The following HMBOX1 variants were observed in gnomAD, a reference collection of about 807,000 sequenced individuals.
HMBOX1 encodes the protein homeobox-containing protein 1.
A neutral mutation model predicts 54.5 loss-of-function variants in HMBOX1; 14 were observed. The observed-to-expected ratio is 0.26, with a 90% CI of 0.17 to 0.40. The LOEUF (loss-of-function observed/expected upper bound fraction) is 0.40. Among genes scored for constraint, HMBOX1 ranks in the 10% least tolerant of loss-of-function variants. The pLI is 1.00. For synonymous variants in HMBOX1, 160 were observed against 181.0 expected (o/e 0.88, Z 0.93); for missense variants, 332 against 514.4 (o/e 0.65, Z 3.43).
intron 4 of HMBOX1, among the ~76,000 whole-genome samples, chr8:29,003,492 GTGTGTATA>G (rs1832944882): frequency 2.5e-5 from 1 of 40,650 alleles, no homozygotes; most frequent in African/African-American, 8.5e-5. Context: ...GGTTGTGTGT[GTGTGTATA>G]TATATATATA....
At chr8:28,900,884 T>C (rs1009343471) in intron 1 of HMBOX1, among the ~76,000 whole-genome samples, 9 of 152,338 alleles carry the variant, frequency 5.9e-5, no homozygotes, top group East Asian at 5.8e-4. Flanking sequence ...TTTTAAGGTC[T>C]GTCATTCTTT....
chr8:28,966,861 C>T (rs1054578522), intron 2 of HMBOX1, among the ~76,000 whole-genome samples: 1 of 152,144 alleles, frequency 6.6e-6, no homozygotes, highest in African/African-American at 2.4e-5. Context: ...AGGAAACTCT[C>T]AGTGCAGGGC....
In HMBOX1 at chr8:29,049,300, A is replaced by C. The variant is rs117103974; in HGVS notation, c.1125+252A>C. 7.3e-4 allele frequency: 1,120 copies of C among 1,536,370 alleles called. 10 individuals are homozygous for C. The East Asian group carries it at 0.019, about 26-fold the overall frequency. The stretch of plus-strand genomic sequence containing the variant: ...ATTGTCATACAACAGGATACTTGGC[A>C]AGTACGCAATGGGGAGGAGGAGGAG... On this transcript the variant is annotated intron_variant, in intron 9 of 9. Transcript: ENST00000287701.
chr8:28,909,571 A>G (rs767337514), intron 1 of HMBOX1, among the ~76,000 whole-genome samples: 2 of 152,192 alleles, frequency 1.3e-5, no homozygotes, highest in South Asian at 2.1e-4. Flanking sequence ...TACAAATGCT[A>G]TGTAGTATTA....
intron 1 of HMBOX1, among the ~76,000 whole-genome samples, chr8:28,903,227 A>C (rs1004807361): frequency 6.6e-6 from 1 of 152,220 alleles, no homozygotes; most frequent in Non-Finnish European, 1.5e-5. Flanking sequence ...TTACAATTGA[A>C]TTTTGTCTTA....
chr8:28,966,125 A>G (rs1826394367), intron 2 of HMBOX1, among the ~76,000 whole-genome samples: 1 of 152,168 alleles, frequency 6.6e-6, no homozygotes, highest in East Asian at 1.9e-4. Context: ...TGAATGCTTT[A>G]ATCTTCTTTG....
At chr8:28,990,558 T>C (rs1365545292) in intron 4 of HMBOX1, among the ~76,000 whole-genome samples, 1 of 152,222 alleles carries the variant, frequency 6.6e-6, no homozygotes, top group Non-Finnish European at 1.5e-5. Context: ...TTTGGTGATA[T>C]TAAGAATTGT....
chr8:29,032,443 A>G (rs1264092242), intron 6 of HMBOX1, among the ~76,000 whole-genome samples: 5 of 152,174 alleles, frequency 3.3e-5, no homozygotes, highest in African/African-American at 1.2e-4. Context: ...GTCATTTTCA[A>G]TTAGAAAAAA....
intron 1 of HMBOX1, among the ~76,000 whole-genome samples, chr8:28,897,716 C>T (rs539242338): frequency 6.6e-6 from 1 of 152,214 alleles, no homozygotes; most frequent in Admixed American, 6.5e-5. Context: ...TAAATAAATT[C>T]AAGGCTTACA....
intron 1 of HMBOX1, among the ~76,000 whole-genome samples, chr8:28,942,227 C>T (rs571934804): frequency 1.3e-5 from 2 of 152,298 alleles, no homozygotes; most frequent in African/African-American, 4.8e-5. Flanking sequence ...GCGCAGTCTC[C>T]TTCTGCTCAC....
intron 4 of HMBOX1, among the ~76,000 whole-genome samples, chr8:28,989,352 T>C (rs993896542): frequency 1.3e-5 from 2 of 152,250 alleles, no homozygotes; most frequent in Admixed American, 1.3e-4. Flanking sequence ...TTTTATAGTT[T>C]TAGCTCTTAC....
chr8:28,946,344 G>A (rs959269289), intron 1 of HMBOX1, among the ~76,000 whole-genome samples: 2 of 151,748 alleles, frequency 1.3e-5, no homozygotes, highest in Admixed American at 6.6e-5. Context: ...CAAGGTGGGC[G>A]GATCACTTGA....
chr8:29,001,876 T>G (rs1307523468), intron 4 of HMBOX1, among the ~76,000 whole-genome samples: 1 of 152,230 alleles, frequency 6.6e-6, no homozygotes, highest in Admixed American at 6.5e-5. Flanking sequence ...CTGTGGCAAC[T>G]ATGAATTCAG....
At chr8:28,924,567 A>G (rs970210835) in intron 1 of HMBOX1, 4 of 148,740 alleles carry the variant, frequency 2.7e-5, no homozygotes, top group Non-Finnish European at 4.4e-5. Context: ...TTATAATTTG[A>G]ATTCTTATGT....
chr8:28,907,877 G>A (rs115746936), intron 1 of HMBOX1, among the ~76,000 whole-genome samples: 1 of 146,590 alleles, frequency 6.8e-6, no homozygotes, highest in Non-Finnish European at 1.5e-5. Context: ...ACAAGTTCTC[G>A]CTCTGCTGTC....
intron 4 of HMBOX1, among the ~76,000 whole-genome samples, chr8:28,996,440 G>A (rs972309139): frequency 3.3e-5 from 5 of 152,066 alleles, no homozygotes; most frequent in African/African-American, 1.2e-4. Context: ...TGGCTAACGT[G>A]ATGAAACCTG....
At chr8:28,989,630 G>A (rs1213742610) in intron 4 of HMBOX1, among the ~76,000 whole-genome samples, 1 of 152,206 alleles carries the variant, frequency 6.6e-6, no homozygotes, top group Non-Finnish European at 1.5e-5. Flanking sequence ...AAATCAGAAA[G>A]TGTAATTCCT....
intron 4 of HMBOX1, among the ~76,000 whole-genome samples, chr8:28,986,783 A>G (rs1473276660): frequency 1.1e-4 from 17 of 152,110 alleles, no homozygotes. Flanking sequence ...TTACTTTTTA[A>G]TCTCATTTCC....
intron 9 of HMBOX1, chr8:29,050,108 TTCAG>T: frequency 3.5e-6 from 1 of 284,982 alleles, no homozygotes; most frequent in Non-Finnish European, 5.3e-6. Flanking sequence ...CATTCCTCTT[TTCAG>T]TCTACCCACA....
Sources: gnomAD v4.1 joint callset for allele counts (sites outside exome capture counted in the v4.1 genomes callset) on GRCh38, gnomAD v4.1.1 for gene constraint, MANE v1.5 for transcripts, NCBI Gene and HGNC (gene_info 2026-07-23, HGNC 2026-07-21) for gene names.